Variants in RANBP17 observed in about 807,000 individuals in gnomAD.
RANBP17 encodes the protein RAN binding protein 17.
RANBP17 carries 158 observed loss-of-function variants against 141.2 expected under a neutral mutation model. The ratio of observed to expected loss-of-function variants is 1.12; its 90% CI spans 0.98 to 1.28. RANBP17 has a LOEUF of 1.28. Ranked by LOEUF, RANBP17 falls within the 50% of genes most tolerant of loss-of-function variation. The pLI is 0.00. For missense variants in RANBP17, 1,438 were observed against 1,290.7 expected, an observed-to-expected ratio of 1.11 and a Z score of -1.75; for synonymous variants, 430 against 450.0, an observed-to-expected ratio of 0.96 and a Z score of 0.56.
chr5:170,970,913 T>C (rs1167964839), intron 14 of RANBP17, among the ~76,000 whole-genome samples: 1 of 152,206 alleles, frequency 6.6e-6, no homozygotes, highest in Non-Finnish European at 1.5e-5. Context: ...TAGTACTATT[T>C]CTGCCTTGTT....
At chr5:170,937,210 CTGT>C (rs1561909443) in intron 12 of RANBP17, among the ~76,000 whole-genome samples, 1 of 152,178 alleles carries the variant, frequency 6.6e-6, no homozygotes, top group African/African-American at 2.4e-5. Context: ...CACTGGTAGT[CTGT>C]ATGTAGTCCA....
chr5:170,870,707 A>G (rs1253815419), intron 1 of RANBP17, among the ~76,000 whole-genome samples: 2 of 152,166 alleles, frequency 1.3e-5, no homozygotes. Context: ...TTATAATAGA[A>G]TGATTTATAT....
intron 5 of RANBP17, chr5:170,904,548 C>A (rs1276481976): frequency 6.6e-6 from 1 of 152,126 alleles, no homozygotes; most frequent in African/African-American, 2.4e-5. Context: ...TTCAGAAAGT[C>A]TAGTTTGTTT....
chr5:170,907,595 A>T (rs1211540495), intron 5 of RANBP17, among the ~76,000 whole-genome samples: 1 of 151,934 alleles, frequency 6.6e-6, no homozygotes, highest in African/African-American at 2.4e-5. Flanking sequence ...TGAGAGTGAG[A>T]AGTTAGTCTA....
chr5:171,222,427 A>AT (rs1320131400), intron 22 of RANBP17, among the ~76,000 whole-genome samples: 1 of 152,178 alleles, frequency 6.6e-6, no homozygotes, highest in Non-Finnish European at 1.5e-5. Context: ...TGAGACCTTT[A>AT]TGTAGATAAG....
rs537396101 is a variant in RANBP17, at chr5:171,296,397, G to C, written c.3170+383G>C. 7.3e-4 allele frequency among the ~76,000 whole-genome samples: 111 copies of C among 152,276 alleles called. 1 individual carries two copies. The highest frequency in any genetic ancestry group is 2.5e-3 in the African/African-American group (102 of 41,564). On this transcript the variant is annotated intron_variant, in intron 27 of 27. Coordinates refer to ENST00000523189, the MANE Select transcript of RANBP17 (RefSeq NM_022897.5). ...ATAGGCCTTGAGGTCAGACAGACCC[G>C]AGATACAGCTGAGTTAGGATCCTGA...
intron 11 of RANBP17, among the ~76,000 whole-genome samples, chr5:170,922,050 C>T (rs1772508738): frequency 6.6e-6 from 1 of 152,024 alleles, no homozygotes; most frequent in Non-Finnish European, 1.5e-5. Context: ...CGATGCTATT[C>T]CTTTCTGTTT....
chr5:170,964,808 T>A (rs1561937622), intron 13 of RANBP17, among the ~76,000 whole-genome samples: 1 of 152,204 alleles, frequency 6.6e-6, no homozygotes, highest in Non-Finnish European at 1.5e-5. Flanking sequence ...TGTTGGACAT[T>A]TGGGTTGGTT....
chr5:171,231,174 C>T (rs1039864494), intron 22 of RANBP17, among the ~76,000 whole-genome samples: 3 of 149,372 alleles, frequency 2.0e-5, no homozygotes. Flanking sequence ...TCTCAAAACT[C>T]CTTACCTCAA....
chr5:171,012,401 T>G (rs890567360), intron 14 of RANBP17, among the ~76,000 whole-genome samples: 7 of 152,132 alleles, frequency 4.6e-5, no homozygotes, highest in Admixed American at 1.3e-4. Context: ...TAGCTGTTTT[T>G]GAATTGCCAG....
At chr5:171,016,767 T>C (rs368539100) in intron 14 of RANBP17, among the ~76,000 whole-genome samples, 1 of 152,088 alleles carries the variant, frequency 6.6e-6, no homozygotes, top group Admixed American at 6.6e-5. Context: ...TGATTTATAA[T>C]ATGCATTTTT....
intron 25 of RANBP17, among the ~76,000 whole-genome samples, chr5:171,274,157 C>CGCGT (rs1767346843): frequency 6.7e-6 from 1 of 148,242 alleles, no homozygotes; most frequent in Non-Finnish European, 1.5e-5. Context: ...TGTGCGCGCG[C>CGCGT]GCGCGCGTGC....
At position 171,204,772 on chromosome 5, in the gene RANBP17, T is replaced by C. The variant is rs550690902; in HGVS notation, c.2143-752T>C. Among the ~76,000 whole-genome samples, 9 of 152,200 alleles carry C rather than the reference T, an allele frequency of 5.9e-5. No individual in the cohort carries two copies. The South Asian group carries it at 8.3e-4, about 14-fold the overall frequency. ...TTTTTTCTCTAAAACTAAATACTTA[T>C]GGAACATTTACTGTGTATCAAGCTC... is the stretch of plus-strand genomic sequence containing the variant. On this transcript the variant is annotated intron_variant, in intron 19 of 27. Coordinates refer to ENST00000523189, the MANE Select transcript of RANBP17 (RefSeq NM_022897.5).
chr5:171,078,054 G>A (rs779664), intron 14 of RANBP17, among the ~76,000 whole-genome samples: 93,017 of 151,922 alleles, frequency 0.61, 29,855 homozygotes, highest in South Asian at 0.89. Context: ...GAGAAGTTGC[G>A]GCAGGTTGTC....
intron 14 of RANBP17, among the ~76,000 whole-genome samples, chr5:171,032,415 T>G (rs1289088929): frequency 1.3e-5 from 2 of 152,166 alleles, no homozygotes; most frequent in African/African-American, 4.8e-5. Context: ...ATTGATTGCT[T>G]CAAGCAGATT....
intron 12 of RANBP17, among the ~76,000 whole-genome samples, chr5:170,927,677 T>C (rs551795426): frequency 6.6e-6 from 1 of 152,182 alleles, no homozygotes; most frequent in South Asian, 2.1e-4. Flanking sequence ...TTTGCATATG[T>C]TTTAGAGATT....
At chr5:171,079,642 A>G (rs1445236054) in intron 14 of RANBP17, among the ~76,000 whole-genome samples, 1 of 152,208 alleles carries the variant, frequency 6.6e-6, no homozygotes, top group Non-Finnish European at 1.5e-5. Flanking sequence ...CTCTGCCAGC[A>G]AAAAAATTAC....
chr5:171,135,530 A>G (rs974289472), intron 14 of RANBP17, among the ~76,000 whole-genome samples: 1 of 152,148 alleles, frequency 6.6e-6, no homozygotes, highest in African/African-American at 2.4e-5. Flanking sequence ...TGCGTAGTCA[A>G]TTCCTAAATA....
rs532553586 is a variant in RANBP17 at position 170,917,483 on chromosome 5, A to AT, written c.954+904dup. Among the ~76,000 whole-genome samples the AT allele has an allele frequency of 2.6e-5, 4 of 152,232 alleles. No homozygotes were observed. In the South Asian group the frequency reaches 8.3e-4, roughly 32 times the overall value. On this transcript the variant is annotated intron_variant, in intron 9 of 27. Coordinates refer to ENST00000523189, the MANE Select transcript of RANBP17 (RefSeq NM_022897.5). ...GGTTTAAAATATCTGTAAAATACAG[A>AT]TTTTTAAAGGTTAAATGATTTAAGG...
Sources: gnomAD v4.1 joint callset for allele counts (sites outside exome capture counted in the v4.1 genomes callset) on GRCh38, gnomAD v4.1.1 for gene constraint, MANE v1.5 for transcripts, NCBI Gene and HGNC (gene_info 2026-07-23, HGNC 2026-07-21) for gene names.